NBEA: variants seen among roughly 807,000 people sequenced by gnomAD.
NBEA encodes lysosomal-trafficking regulator 2.
NBEA carries 44 observed loss-of-function variants against 343.4 expected under a neutral mutation model. The ratio of observed to expected loss-of-function variants is 0.13; its 90% CI spans 0.10 to 0.16. The LOEUF (loss-of-function observed/expected upper bound fraction) is 0.16. NBEA is among the 10% of genes least tolerant of loss of function. The probability of loss-of-function intolerance (pLI) is 1.00; values close to 1 mark genes in which losing one functional copy is unlikely to be tolerated. For synonymous variants in NBEA, 1,175 were observed against 1,238.7 expected, an observed-to-expected ratio of 0.95 and a Z score of 1.08; for missense variants, 2,555 against 3,631.3, an observed-to-expected ratio of 0.70 and a Z score of 7.62.
chr13:35,602,533 G>C (rs528598578), intron 47 of NBEA, among the ~76,000 whole-genome samples: 1 of 152,320 alleles, frequency 6.6e-6, no homozygotes, highest in Admixed American at 6.5e-5. Flanking sequence ...CTGTGCTTCA[G>C]AAGTTTCTTT....
chr13:35,175,784 A>C (rs1454826006), intron 27 of NBEA, among the ~76,000 whole-genome samples: 3 of 152,016 alleles, frequency 2.0e-5, no homozygotes, highest in Non-Finnish European at 4.4e-5. Flanking sequence ...AAATCGAGTA[A>C]TTTTTGAATG....
At chr13:35,366,458 T>C (rs1465500022) in intron 38 of NBEA, among the ~76,000 whole-genome samples, 1 of 151,280 alleles carries the variant, frequency 6.6e-6, no homozygotes, top group Non-Finnish European at 1.5e-5. Context: ...TATGACTGGA[T>C]TTTTAAATAG....
intron 38 of NBEA, among the ~76,000 whole-genome samples, chr13:35,422,270 G>T (rs1368657088): frequency 1.3e-5 from 2 of 151,056 alleles, no homozygotes; most frequent in Non-Finnish European, 2.9e-5. Context: ...TTAGCATCAG[G>T]TATACCTCCT....
chr13:35,270,242 TAAAC>T (rs1243875942), intron 34 of NBEA, among the ~76,000 whole-genome samples: 2 of 152,228 alleles, frequency 1.3e-5, no homozygotes, highest in Admixed American at 6.5e-5. Context: ...TCTTTTGTCA[TAAAC>T]AAACATTTAA....
intron 38 of NBEA, among the ~76,000 whole-genome samples, chr13:35,394,378 G>T (rs1273811193): frequency 6.6e-6 from 1 of 151,566 alleles, no homozygotes; most frequent in African/African-American, 2.4e-5. Flanking sequence ...TCCCTTTTTG[G>T]TGTTAGAGTA....
intron 4 of NBEA, among the ~76,000 whole-genome samples, chr13:35,047,622 G>A (rs1261293022): frequency 1.3e-5 from 2 of 151,806 alleles, no homozygotes; most frequent in African/African-American, 2.4e-5. Flanking sequence ...ATATTTAGAT[G>A]TACTTTGGAA....
intron 11 of NBEA, among the ~76,000 whole-genome samples, chr13:35,106,462 G>A (rs1430499469): frequency 6.6e-6 from 1 of 151,014 alleles, no homozygotes; most frequent in East Asian, 1.9e-4. Flanking sequence ...AATTAGGGTA[G>A]GGATCAGGAG....
At chr13:35,531,274 G>A (rs2078250099) in intron 41 of NBEA, among the ~76,000 whole-genome samples, 1 of 152,098 alleles carries the variant, frequency 6.6e-6, no homozygotes, top group South Asian at 2.1e-4. Flanking sequence ...TGACATCTGT[G>A]CCTTAGAGAC....
At chr13:35,062,455 A>G (rs2063501527) in intron 8 of NBEA, among the ~76,000 whole-genome samples, 1 of 151,802 alleles carries the variant, frequency 6.6e-6, no homozygotes, top group African/African-American at 2.4e-5. Flanking sequence ...AACTTCTCAG[A>G]TTTGGTAAAA....
intron 8 of NBEA, among the ~76,000 whole-genome samples, chr13:35,059,623 T>C (rs1043815818): frequency 2.0e-5 from 3 of 151,804 alleles, no homozygotes; most frequent in African/African-American, 4.8e-5. Flanking sequence ...GTGTGGTTTT[T>C]TATTGAACTC....
At chr13:35,332,380 A>G (rs1476295159) in intron 36 of NBEA, among the ~76,000 whole-genome samples, 4 of 152,094 alleles carry the variant, frequency 2.6e-5, no homozygotes, top group Non-Finnish European at 5.9e-5. Flanking sequence ...TAAAGGAAAT[A>G]CAAGGGTTGT....
Position 35,159,253 on chromosome 13 carries a change from C to A in NBEA, c.3082C>A (p.Leu1028Ile), listed in dbSNP as rs1209599373. ...YPVSTDTRDL[L>I]MSTKVSDDIL... is the part of the protein sequence containing the mutation. ...TGTCAGCACAGATACTCGAGACTTA[C>A]TCATGTCAACAAAAGTGTCAGATGA... Residue 1028 changes from leucine (L) to isoleucine (I), a missense_variant, in exon 22 of 59, where the codon CTC becomes ATC. Transcript: ENST00000379939. 2 of 1,613,572 alleles carry A rather than the reference C, an allele frequency of 1.2e-6. No individual in the cohort carries two copies. Among genetic ancestry groups the A allele is most frequent in the Non-Finnish European group, 8.5e-7 (1 of 1,179,682 alleles).
chr13:35,022,765 A>C (rs1566175435), intron 1 of NBEA, among the ~76,000 whole-genome samples: 1 of 152,066 alleles, frequency 6.6e-6, no homozygotes, highest in Non-Finnish European at 1.5e-5. Flanking sequence ...TGGTTATTTA[A>C]TGTATGCCAA....
At chr13:35,225,063 G>A (rs1593826026) in intron 33 of NBEA, among the ~76,000 whole-genome samples, 1 of 152,058 alleles carries the variant, frequency 6.6e-6, no homozygotes, top group Non-Finnish European at 1.5e-5. Context: ...CACTATTTCT[G>A]TTCTACCCTG....
At chr13:35,039,624 G>T (rs2062575568) in intron 1 of NBEA, among the ~76,000 whole-genome samples, 1 of 152,052 alleles carries the variant, frequency 6.6e-6, no homozygotes, top group Non-Finnish European at 1.5e-5. Flanking sequence ...TAATAATAGT[G>T]TCATAATAGA....
chr13:35,026,113 A>G (rs1002737844), intron 1 of NBEA, among the ~76,000 whole-genome samples: 1 of 152,056 alleles, frequency 6.6e-6, no homozygotes, highest in South Asian at 2.1e-4. Flanking sequence ...TTCTCATGAT[A>G]GTGAGTGAGT....
At position 35,521,651 on chromosome 13, in the gene NBEA, G is replaced by A. The variant is rs1319652674; in HGVS notation, c.6586-28826G>A. ...GCTAGAAACCCAAAAGTCACTGCAG[G>A]GACATTACAGAGACTGCAATTCACT... On this transcript the variant is annotated intron_variant, in intron 41 of 58. Transcript: ENST00000379939. 2.0e-5 allele frequency among the ~76,000 whole-genome samples: 3 copies of A among 152,114 alleles called. No homozygotes were observed. The East Asian group carries it at 5.8e-4, about 29-fold the overall frequency.
intron 1 of NBEA, among the ~76,000 whole-genome samples, chr13:35,001,787 T>C (rs533282419): frequency 6.6e-6 from 1 of 152,192 alleles, no homozygotes; most frequent in African/African-American, 2.4e-5. Context: ...TATTGTATAT[T>C]TTGAAATAGC....
At chr13:35,425,665 T>G (rs1275902888) in intron 38 of NBEA, among the ~76,000 whole-genome samples, 1 of 152,154 alleles carries the variant, frequency 6.6e-6, no homozygotes, top group African/African-American at 2.4e-5. Flanking sequence ...TATTAGGTCC[T>G]CTTGATGCAG....
Sources: allele counts gnomAD v4.1 joint callset (sites outside exome capture counted in the v4.1 genomes callset), GRCh38; gene constraint gnomAD v4.1.1; transcripts MANE v1.5; gene names NCBI Gene and HGNC (gene_info 2026-07-23, HGNC 2026-07-21).